The following TBC1D32 variants were observed in gnomAD, a reference collection of about 807,000 sequenced individuals.
The protein encoded by TBC1D32 is protein broad-minded.
In TBC1D32, 151 loss-of-function variants were observed where a neutral mutation model predicts 170.3. That is an observed-to-expected ratio of 0.89 (90% CI 0.78 to 1.01). TBC1D32 has a LOEUF of 1.01. TBC1D32 is among the 50% of genes least tolerant of loss of function. The pLI is 0.00. For missense variants in TBC1D32, 1,464 were observed against 1,457.1 expected (o/e 1.00, Z -0.08); for synonymous variants, 498 against 488.0 (o/e 1.02, Z -0.27).
intron 21 of TBC1D32, among the ~76,000 whole-genome samples, chr6:121,213,467 A>AACATAACATAACATAACATAAC (rs200847552): frequency 4.5e-5 from 2 of 44,722 alleles, no homozygotes; most frequent in South Asian, 7.0e-4. Context: ...CAAAAATAAT[A>AACATAACATAACATAACATAAC]ATAAAATAAA....
chr6:121,085,513 C>CTTGGCA (rs1776173746), intron 31 of TBC1D32, among the ~76,000 whole-genome samples: 1 of 151,366 alleles, frequency 6.6e-6, no homozygotes, highest in Non-Finnish European at 1.5e-5. Flanking sequence ...TTTTCGAATC[C>CTTGGCA]TTGGCATTGG....
chr6:121,142,841 G>C (rs1250733664), intron 24 of TBC1D32, among the ~76,000 whole-genome samples: 1 of 152,068 alleles, frequency 6.6e-6, no homozygotes, highest in Non-Finnish European at 1.5e-5. Flanking sequence ...AAAAACAAAA[G>C]AAATTAAATT....
chr6:121,138,848 C>CTTTT (rs528895925), intron 24 of TBC1D32, among the ~76,000 whole-genome samples: 1 of 143,598 alleles, frequency 7.0e-6, no homozygotes, highest in Non-Finnish European at 1.5e-5. Flanking sequence ...TATTATTTTT[C>CTTTT]TTTTTTTTTT....
intron 15 of TBC1D32, among the ~76,000 whole-genome samples, chr6:121,258,510 T>C (rs1261525347): frequency 1.3e-5 from 2 of 152,140 alleles, no homozygotes; most frequent in East Asian, 1.9e-4. Flanking sequence ...CAAATCTAAG[T>C]ATAATCAAGG....
chr6:121,299,625 T>A (rs926837603), intron 9 of TBC1D32, 120 bp from the exon 10 acceptor site: 1 of 969,866 alleles, frequency 1.0e-6, no homozygotes, highest in Non-Finnish European at 1.5e-6. Flanking sequence ...TAAACCCTTA[T>A]AGTCAATGAC....
intron 21 of TBC1D32, among the ~76,000 whole-genome samples, chr6:121,206,861 T>C (rs1792343060): frequency 6.6e-6 from 1 of 152,208 alleles, no homozygotes; most frequent in Non-Finnish European, 1.5e-5. Flanking sequence ...ATATTCATAT[T>C]CCCAGCTGCA....
chr6:121,222,321 C>T (rs1794616021), intron 21 of TBC1D32, among the ~76,000 whole-genome samples: 1 of 152,046 alleles, frequency 6.6e-6, no homozygotes, highest in Non-Finnish European at 1.5e-5. Flanking sequence ...TGGTATGGAA[C>T]TGAACCCGCA....
At chr6:121,269,661 T>C (rs1285050016) in intron 15 of TBC1D32, among the ~76,000 whole-genome samples, 1 of 152,084 alleles carries the variant, frequency 6.6e-6, no homozygotes, top group African/African-American at 2.4e-5. Context: ...ACAATAATAA[T>C]GGGAGACTTT....
At chr6:121,092,653 G>T (rs1402294688) in intron 30 of TBC1D32, among the ~76,000 whole-genome samples, 1 of 152,022 alleles carries the variant, frequency 6.6e-6, no homozygotes, top group Non-Finnish European at 1.5e-5. Context: ...TTCTTCTGAA[G>T]CCTCTCTGAG....
At chr6:121,252,393 AAATG>A (rs1798418627) in intron 17 of TBC1D32, among the ~76,000 whole-genome samples, 1 of 152,194 alleles carries the variant, frequency 6.6e-6, no homozygotes. Context: ...TACAGCCATA[AAATG>A]AATGAGTTCA....
intron 22 of TBC1D32, among the ~76,000 whole-genome samples, chr6:121,173,588 A>C (rs1321632566): frequency 2.0e-5 from 3 of 152,090 alleles, no homozygotes; most frequent in Non-Finnish European, 4.4e-5. Context: ...TATGACACCA[A>C]GAAGCAGAAG....
chr6:121,133,664 C>G (rs550558621), intron 24 of TBC1D32, among the ~76,000 whole-genome samples: 28 of 152,138 alleles, frequency 1.8e-4, no homozygotes, highest in Admixed American at 1.4e-3. Context: ...ACCAAAGCTA[C>G]ATACATACTC....
intron 20 of TBC1D32, among the ~76,000 whole-genome samples, chr6:121,238,835 CAT>C (rs1464784065): frequency 6.6e-6 from 1 of 151,744 alleles, no homozygotes; most frequent in Non-Finnish European, 1.5e-5. Context: ...CTTTAATAGA[CAT>C]AAAGTAAAAG....
intron 30 of TBC1D32, among the ~76,000 whole-genome samples, chr6:121,095,547 C>A (rs1419225971): frequency 6.6e-6 from 1 of 152,264 alleles, no homozygotes; most frequent in Non-Finnish European, 1.5e-5. Flanking sequence ...TCTGCCCATT[C>A]AGCATGATAT....
At chr6:121,088,512 A>G (rs566894037) in intron 31 of TBC1D32, among the ~76,000 whole-genome samples, 10 of 152,304 alleles carry the variant, frequency 6.6e-5, no homozygotes, top group Non-Finnish European at 1.3e-4. Context: ...CACAGACAAG[A>G]GACTATTTCA....
rs932085380 is a variant in TBC1D32, at chr6:121,281,854, T to C, written c.1466-168A>G. ...TGTACTACCAAATTATAACCTGACT[T>C]AGGGGAATCTCAATTGGCTTAAAAT... On this transcript the variant is annotated intron_variant, in intron 13 of 31. Coordinates refer to ENST00000398212, the MANE Select transcript of TBC1D32 (RefSeq NM_152730.6). 1.1e-4 allele frequency among the ~76,000 whole-genome samples: 17 copies of C among 151,776 alleles called. No homozygotes were observed. The East Asian group carries it at 3.3e-3, about 29-fold the overall frequency.
At chr6:121,107,692 A>G (rs1344403063) in intron 29 of TBC1D32, among the ~76,000 whole-genome samples, 2 of 152,010 alleles carry the variant, frequency 1.3e-5, no homozygotes, top group South Asian at 2.1e-4. Flanking sequence ...TATGAAAACA[A>G]AAATCAACTC....
intron 29 of TBC1D32, among the ~76,000 whole-genome samples, chr6:121,110,677 T>C (rs568425012): frequency 1.3e-5 from 2 of 152,220 alleles, no homozygotes; most frequent in Admixed American, 1.3e-4. Flanking sequence ...ACAAATGAAA[T>C]AGAAAAGGTA....
chr6:121,298,629 C>A (rs1372362383), intron 10 of TBC1D32, among the ~76,000 whole-genome samples: 1 of 152,042 alleles, frequency 6.6e-6, no homozygotes, highest in Non-Finnish European at 1.5e-5. Flanking sequence ...TTTACCTTTA[C>A]AAATAAATTC....
Sources: allele counts gnomAD v4.1 joint callset (sites outside exome capture counted in the v4.1 genomes callset), GRCh38; gene constraint gnomAD v4.1.1; transcripts MANE v1.5; gene names NCBI Gene and HGNC (gene_info 2026-07-23, HGNC 2026-07-21).